PDE1C: variants seen among roughly 807,000 people sequenced by gnomAD.
PDE1C encodes dual specificity calcium/calmodulin-dependent 3',5'-cyclic nucleotide phosphodiesterase 1C.
PDE1C carries 62 observed loss-of-function variants against 93.1 expected under a neutral mutation model. The observed-to-expected ratio is 0.67, with a 90% CI of 0.54 to 0.82. The LOEUF (loss-of-function observed/expected upper bound fraction) is 0.82, where lower values mean the gene tolerates loss of function less well. PDE1C is among the 40% of genes least tolerant of loss of function. The probability of loss-of-function intolerance (pLI) is 0.00; values close to 1 mark genes in which losing one functional copy is unlikely to be tolerated. For missense variants in PDE1C, 742 were observed against 884.6 expected (o/e 0.84, Z 2.04); for synonymous variants, 325 against 310.1 (o/e 1.05, Z -0.50).
At chr7:32,035,499 T>G (rs1563227851) in intron 2 of PDE1C, among the ~76,000 whole-genome samples, 1 of 152,194 alleles carries the variant, frequency 6.6e-6, no homozygotes, top group Non-Finnish European at 1.5e-5. Flanking sequence ...AGCTTGTTTG[T>G]TTGGTTGTTG....
At chr7:32,206,622 G>A (rs1350188429) in intron 2 of PDE1C, among the ~76,000 whole-genome samples, 1 of 152,158 alleles carries the variant, frequency 6.6e-6, no homozygotes, top group Non-Finnish European at 1.5e-5. Flanking sequence ...TCCCCACACT[G>A]CCCTTGTGGC....
At chr7:32,327,932 C>T (rs564187768) in intron 1 of PDE1C, among the ~76,000 whole-genome samples, 1 of 152,256 alleles carries the variant, frequency 6.6e-6, no homozygotes, top group East Asian at 1.9e-4. Context: ...AACATACCAC[C>T]TTTTATTTAT....
intron 1 of PDE1C, among the ~76,000 whole-genome samples, chr7:32,380,239 T>A (rs1050929281): frequency 6.6e-6 from 1 of 151,870 alleles, no homozygotes; most frequent in Non-Finnish European, 1.5e-5. Context: ...TCTCTTTTTT[T>A]TTTATTTATT....
intron 2 of PDE1C, among the ~76,000 whole-genome samples, chr7:31,965,340 C>A (rs902709403): frequency 1.1e-4 from 16 of 152,196 alleles, no homozygotes; most frequent in Non-Finnish European, 1.6e-4. Flanking sequence ...ATGCGATCAA[C>A]TGGAAGAAAG....
chr7:31,743,546 T>C, the PDE1C span, among the ~76,000 whole-genome samples: 1 of 151,096 alleles, frequency 6.6e-6, no homozygotes, highest in Non-Finnish European at 1.5e-5. Flanking sequence ...AGAAGTTCGC[T>C]GGAGGATGCA....
chr7:32,401,781 G>A (rs1263707119), intron 1 of PDE1C, among the ~76,000 whole-genome samples: 1 of 152,166 alleles, frequency 6.6e-6, no homozygotes, highest in Non-Finnish European at 1.5e-5. Context: ...GAGCAAACAA[G>A]CTTCCTTCCC....
At chr7:32,115,211 A>T (rs924256664) in intron 3 of PDE1C, among the ~76,000 whole-genome samples, 1 of 152,178 alleles carries the variant, frequency 6.6e-6, no homozygotes, top group Non-Finnish European at 1.5e-5. Flanking sequence ...CATGGAATCA[A>T]CCCAAATGCC....
At chr7:31,688,477 A>T in the PDE1C span, among the ~76,000 whole-genome samples, 1 of 152,254 alleles carries the variant, frequency 6.6e-6, no homozygotes, top group Non-Finnish European at 1.5e-5. Flanking sequence ...CACTGAACCA[A>T]CTAATGTGTT....
exon 2 of PDE1C, chr7:32,209,511 G>A: frequency 6.4e-7 from 1 of 1,573,926 alleles, no homozygotes; most frequent in Non-Finnish European, 8.6e-7. Flanking sequence ...CCAGTGGTCT[G>A]GCATTCTTGT....
At chr7:32,346,459 A>G (rs1375162083) in intron 1 of PDE1C, among the ~76,000 whole-genome samples, 1 of 152,192 alleles carries the variant, frequency 6.6e-6, no homozygotes, top group Non-Finnish European at 1.5e-5. Flanking sequence ...GGGAAAGGTA[A>G]CCTTGCAGTG....
intron 3 of PDE1C, among the ~76,000 whole-genome samples, chr7:32,128,954 A>T (rs73689040): frequency 0.019 from 1,498 of 78,096 alleles, 98 homozygotes; most frequent in African/African-American, 0.077. Flanking sequence ...TATATATATA[A>T]AGAAAAATCT....
At chr7:32,230,226 G>A (rs1351487912) in intron 1 of PDE1C, among the ~76,000 whole-genome samples, 8 of 152,194 alleles carry the variant, frequency 5.3e-5, no homozygotes, top group Admixed American at 5.2e-4. Context: ...GAAAACCATA[G>A]TGATGGCCCC....
At chr7:32,032,480 C>T (rs1024885058) in intron 2 of PDE1C, among the ~76,000 whole-genome samples, 2 of 152,176 alleles carry the variant, frequency 1.3e-5, no homozygotes, top group Non-Finnish European at 2.9e-5. Context: ...CTGTTCACTG[C>T]TACGAGTGTG....
chr7:31,686,584 A>G, the PDE1C span: 76 of 152,284 alleles, frequency 5.0e-4, no homozygotes, highest in African/African-American at 1.8e-3. Context: ...TCATTACCCC[A>G]TTCAAACCCT....
rs183852825 is a variant in PDE1C, at chr7:32,233,990, A to G, written c.86-24451T>C. Among the ~76,000 whole-genome samples, 6 of 152,226 alleles carry G rather than the reference A, an allele frequency of 3.9e-5. No individual in the cohort carries two copies. In the East Asian group the frequency reaches 1.2e-3, roughly 29 times the overall value. ...TGAAATTAGACAGAAAGTCACTAAT[A>G]TAAAGATAACATGAAAATCTCTAAT... is the stretch of plus-strand genomic sequence containing the variant. On this transcript the variant is annotated intron_variant, in intron 1 of 18. Transcript: ENST00000396193.
chr7:32,187,878 CAGTT>C (rs1397523236), intron 2 of PDE1C, among the ~76,000 whole-genome samples: 2 of 152,182 alleles, frequency 1.3e-5, no homozygotes, highest in South Asian at 2.1e-4. Context: ...CAGCACGTCT[CAGTT>C]AGGACTAGCC....
chr7:31,825,084 T>G (rs989758467), intron 12 of PDE1C, 97 bp from the exon 13 acceptor site: 119 of 1,481,758 alleles, frequency 8.0e-5, no homozygotes, highest in Non-Finnish European at 1.1e-4. Context: ...CAGATCAGAT[T>G]AAAAGAGAAT....
chr7:32,383,705 A>C (rs1246746379), intron 1 of PDE1C, among the ~76,000 whole-genome samples: 1 of 152,184 alleles, frequency 6.6e-6, no homozygotes, highest in Admixed American at 6.5e-5. Flanking sequence ...GGTTGGATGG[A>C]TGGATGGACT....
chr7:32,014,884 C>T (rs1787681720), intron 2 of PDE1C, among the ~76,000 whole-genome samples: 1 of 152,014 alleles, frequency 6.6e-6, no homozygotes, highest in East Asian at 1.9e-4. Flanking sequence ...GGCTTTGTGC[C>T]CCCACCCAAA....
Sources: gnomAD v4.1 joint callset for allele counts (sites outside exome capture counted in the v4.1 genomes callset) on GRCh38, gnomAD v4.1.1 for gene constraint, MANE v1.5 for transcripts, NCBI Gene and HGNC (gene_info 2026-07-23, HGNC 2026-07-21) for gene names.